Variants in NBEA observed in about 807,000 individuals in gnomAD.
The protein encoded by NBEA is lysosomal-trafficking regulator 2.
In NBEA, 44 loss-of-function variants were observed where a neutral mutation model predicts 343.4. The observed-to-expected ratio is 0.13, with a 90% confidence interval of 0.10 to 0.16. The LOEUF (loss-of-function observed/expected upper bound fraction) is 0.16. Ranked by LOEUF, NBEA falls within the 10% of genes least tolerant of loss-of-function variation. The probability of loss-of-function intolerance (pLI) is 1.00; values close to 1 mark genes in which losing one functional copy is unlikely to be tolerated. For synonymous variants in NBEA, 1,175 were observed against 1,238.7 expected (o/e 0.95, Z 1.08); for missense variants, 2,555 against 3,631.3 (o/e 0.70, Z 7.62).
chr13:35,631,017 A>G (rs1207573682), intron 49 of NBEA, among the ~76,000 whole-genome samples: 11 of 152,194 alleles, frequency 7.2e-5, no homozygotes, highest in Admixed American at 7.2e-4. Flanking sequence ...ACAGATTCCC[A>G]CAAAGACAGT....
At chr13:35,174,942 G>C (rs1566409993) in intron 27 of NBEA, among the ~76,000 whole-genome samples, 1 of 151,922 alleles carries the variant, frequency 6.6e-6, no homozygotes, top group African/African-American at 2.4e-5. Flanking sequence ...ACAGATGTGT[G>C]CCACCACGCC....
intron 2 of NBEA, among the ~76,000 whole-genome samples, chr13:35,043,397 A>G (rs901508268): frequency 1.8e-4 from 27 of 151,910 alleles, no homozygotes; most frequent in African/African-American, 6.5e-4. Flanking sequence ...AAAGTATTTT[A>G]TGTAAACCTT....
rs114659575 is a variant in NBEA at position 35,385,118 on chromosome 13, C to T, written c.6179+32795C>T. Among the ~76,000 whole-genome samples the T allele has an allele frequency of 4.2e-4, 64 of 152,162 alleles. No homozygotes were observed. The South Asian group carries it at 8.3e-3, about 20-fold the overall frequency. ...ATTCTTCAAGTAAATCTTTTTTAGT[C>T]TCTGCTGCATTAAAATTTTAATAAG... On this transcript the variant is annotated intron_variant, in intron 38 of 58. Coordinates refer to ENST00000379939, the MANE Select transcript of NBEA (RefSeq NM_001385012.1).
At chr13:35,511,653 T>C (rs970739313) in intron 41 of NBEA, among the ~76,000 whole-genome samples, 1 of 152,196 alleles carries the variant, frequency 6.6e-6, no homozygotes, top group Non-Finnish European at 1.5e-5. Context: ...TTAGCAAAGA[T>C]AGTCAAATAT....
chr13:35,166,188 TA>T (rs924794987), intron 24 of NBEA, among the ~76,000 whole-genome samples: 2 of 151,944 alleles, frequency 1.3e-5, no homozygotes, highest in East Asian at 1.9e-4. Flanking sequence ...GCTTCTTATG[TA>T]AAAAAAACAG....
chr13:35,367,407 G>A (rs1211769777), intron 38 of NBEA, among the ~76,000 whole-genome samples: 1 of 151,280 alleles, frequency 6.6e-6, no homozygotes, highest in Non-Finnish European at 1.5e-5. Flanking sequence ...TTTACTTTAT[G>A]TTTAGACAAT....
intron 38 of NBEA, among the ~76,000 whole-genome samples, chr13:35,401,964 G>T (rs1594493527): frequency 6.6e-6 from 1 of 151,884 alleles, no homozygotes; most frequent in East Asian, 1.9e-4. Context: ...ATTATAGGTT[G>T]TGTAACCTGT....
At chr13:35,618,546 A>T (rs2082841623) in intron 48 of NBEA, among the ~76,000 whole-genome samples, 1 of 152,218 alleles carries the variant, frequency 6.6e-6, no homozygotes, top group Non-Finnish European at 1.5e-5. Context: ...TGAAATACAA[A>T]GTTTACTCTC....
At chr13:34,946,251 TTAAC>T (rs1318011064) in intron 1 of NBEA, among the ~76,000 whole-genome samples, 1 of 152,116 alleles carries the variant, frequency 6.6e-6, no homozygotes, top group African/African-American at 2.4e-5. Flanking sequence ...ATAAGAGAAT[TTAAC>T]TACAGAGAAG....
intron 38 of NBEA, among the ~76,000 whole-genome samples, chr13:35,425,733 T>C (rs982411038): frequency 6.6e-6 from 1 of 152,220 alleles, no homozygotes; most frequent in Non-Finnish European, 1.5e-5. Context: ...ATCTGTCTAA[T>C]GTTGACAGTG....
At chr13:35,658,885 A>C (rs1488415901) in intron 55 of NBEA, among the ~76,000 whole-genome samples, 1 of 151,858 alleles carries the variant, frequency 6.6e-6, no homozygotes, top group East Asian at 1.9e-4. Flanking sequence ...CGGTCTCTTC[A>C]CTCTTTTTTC....
At chr13:35,496,292 C>T (rs1029720965) in intron 41 of NBEA, among the ~76,000 whole-genome samples, 4 of 151,888 alleles carry the variant, frequency 2.6e-5, no homozygotes, top group Admixed American at 2.6e-4. Context: ...CCTGGCTCTA[C>T]TTTCATATAT....
intron 36 of NBEA, among the ~76,000 whole-genome samples, chr13:35,341,344 G>A (rs2039572960): frequency 6.6e-6 from 1 of 151,904 alleles, no homozygotes; most frequent in Non-Finnish European, 1.5e-5. Flanking sequence ...ATTACCCAAT[G>A]GTTTTCATAG....
chr13:35,095,258 A>G (rs2152633977), intron 10 of NBEA, among the ~76,000 whole-genome samples: 1 of 151,348 alleles, frequency 6.6e-6, no homozygotes, highest in African/African-American at 2.4e-5. Flanking sequence ...ATTGAAATGG[A>G]TAAAGTTACA....
At chr13:35,407,983 A>G (rs2043363145) in intron 38 of NBEA, among the ~76,000 whole-genome samples, 1 of 152,230 alleles carries the variant, frequency 6.6e-6, no homozygotes, top group African/African-American at 2.4e-5. Flanking sequence ...CCTACCATTG[A>G]GATTCTTCAC....
chr13:35,031,881 T>C lies in NBEA; in HGVS notation c.295-9052T>C, dbSNP rs569898024. On this transcript the variant is annotated intron_variant, in intron 1 of 58. Coordinates refer to ENST00000379939, the MANE Select transcript of NBEA (RefSeq NM_001385012.1). ...GTTTTCATTATTTAGCTCCCACTTA[T>C]AAGTGAGAATGTGTGGTATTTGGTT... Among the ~76,000 whole-genome samples, 59 of 151,918 alleles carry C rather than the reference T, an allele frequency of 3.9e-4. No homozygotes were observed. The South Asian group carries it at 3.9e-3, about 10-fold the overall frequency.
chr13:35,354,226 C>A (rs181435954), intron 38 of NBEA, among the ~76,000 whole-genome samples: 1 of 152,288 alleles, frequency 6.6e-6, no homozygotes, highest in Non-Finnish European at 1.5e-5. Flanking sequence ...ATAACCTGAG[C>A]ATTTTACCCA....
chr13:35,165,164 AT>A, intron 24 of NBEA: 1 of 530,120 alleles, frequency 1.9e-6, no homozygotes, highest in East Asian at 5.5e-5. Flanking sequence ...GAAATATTTC[AT>A]TTTACTAAGA....
At chr13:35,359,923 A>G (rs996375264) in intron 38 of NBEA, among the ~76,000 whole-genome samples, 1 of 151,810 alleles carries the variant, frequency 6.6e-6, no homozygotes, top group Non-Finnish European at 1.5e-5. Flanking sequence ...TTCTGGTAAG[A>G]TGTTGGGAGC....
Sources: gnomAD v4.1 joint callset for allele counts (sites outside exome capture counted in the v4.1 genomes callset) on GRCh38, gnomAD v4.1.1 for gene constraint, MANE v1.5 for transcripts, NCBI Gene and HGNC (gene_info 2026-07-23, HGNC 2026-07-21) for gene names.